TMEM150A: variants seen among roughly 807,000 people sequenced by gnomAD.
The protein encoded by TMEM150A is fasting-inducible integral membrane protein TM6P1.
TMEM150A carries 18 observed loss-of-function variants against 29.8 expected under a neutral mutation model. The observed-to-expected ratio is 0.60, with a 90% CI of 0.42 to 0.90. The LOEUF (loss-of-function observed/expected upper bound fraction) is 0.90, where lower values mean the gene tolerates loss of function less well. Ranked by LOEUF, TMEM150A falls within the 40% of genes least tolerant of loss-of-function variation. The pLI is 0.00. For missense variants in TMEM150A, 251 were observed against 349.7 expected, an observed-to-expected ratio of 0.72 and a Z score of 2.25; for synonymous variants, 127 against 143.6, an observed-to-expected ratio of 0.88 and a Z score of 0.83.
Position 85,599,451 on chromosome 2 carries a change from C to A in TMEM150A, c.574+74G>T. 6.4e-7 allele frequency: 1 copy of A among 1,566,054 alleles called. No individual in the cohort carries two copies. The highest frequency in any genetic ancestry group is 1.2e-5 in the South Asian group (1 of 82,676). ...CCCACATGGCAGTGTTAGGCCTCCA[C>A]CCCCCATCCTCTTGGGAGGGAGAAA... is the stretch of plus-strand genomic sequence containing the variant. On this transcript the variant is annotated intron_variant, in intron 7 of 7. Transcript: ENST00000334462. This position sits in a 1 kb window ranked among gnomAD's most constrained non-coding sequence, Gnocchi z 6.0.
rs569323538 is a variant in TMEM150A, at chr2:85,601,010, C to T, written c.200+11G>A. On this transcript the variant is annotated intron_variant, in intron 4 of 7. Coordinates refer to ENST00000334462, the MANE Select transcript of TMEM150A (RefSeq NM_001031738.3). The surrounding 1 kb of genome is among the most constrained non-coding windows in gnomAD (Gnocchi z 4.0). ...TAGATCTCCCTGACCGGCCCAATGT[C>T]CAGGCCTTACCTGATGAGGGGGACA... The T allele has an allele frequency of 3.7e-6, 6 of 1,611,760 alleles. No individual in the cohort carries two copies. The African/African-American group carries it at 5.3e-5, about 14-fold the overall frequency.
rs1672812850 is a variant in TMEM150A at position 85,599,601 on chromosome 2, G to A, written c.498C>T (p.Ala166=). ...CLHCALSYQG[A]TAPLDLAVAY... is the part of the protein sequence containing the mutation. Reference sequence around the variant, plus strand: ...CCACAGCCAGGTCCAGCGGGGCGGTGGCCCCTTGGTAGGAGAGAGCACAGT... The same window carrying A: ...CCACAGCCAGGTCCAGCGGGGCGGTAGCCCCTTGGTAGGAGAGAGCACAGT... The change falls in exon 7 of 8, where the codon GCC becomes GCT. Residue 166 remains alanine (A), a synonymous_variant. Coordinates refer to ENST00000334462, the MANE Select transcript of TMEM150A (RefSeq NM_001031738.3). This position sits in a 1 kb window ranked among gnomAD's most constrained non-coding sequence, Gnocchi z 6.0. 1 of 1,613,756 alleles carries A rather than the reference G, an allele frequency of 6.2e-7. No individual in the cohort carries two copies. Among genetic ancestry groups the A allele is most frequent in the African/African-American group, 1.3e-5 (1 of 74,936 alleles).
Position 85,599,869 on chromosome 2 carries a change from T to G in TMEM150A, c.396+22A>C. On this transcript the variant is annotated intron_variant, in intron 6 of 7. Coordinates refer to ENST00000334462, the MANE Select transcript of TMEM150A (RefSeq NM_001031738.3). This position sits in a 1 kb window ranked among gnomAD's most constrained non-coding sequence, Gnocchi z 6.0. ...GCCTTGTTAGGTAAAGTTTAAGGTT[T>G]GCAGGGGAGAAGGGGAAGCACCTGA... 6.2e-7 allele frequency: 1 copy of G among 1,612,932 alleles called. No homozygotes were observed.
In TMEM150A at chr2:85,601,097, CGTT is replaced by C. The variant is rs750134630; in HGVS notation, c.121_123del (p.Asn41del). The C allele has an allele frequency of 8.7e-6, 14 of 1,612,666 alleles. No individual in the cohort carries two copies. The highest frequency in any genetic ancestry group is 1.7e-4 in the Middle Eastern group (1 of 5,912). ...TCAGCAGGGTCAGGAGGGCAGGACT[CGTT>C]GTAGGACCTGGCAGGCAGGACAGGG... On this transcript the variant is annotated inframe_deletion, in exon 4 of 8. Coordinates refer to ENST00000334462, the MANE Select transcript of TMEM150A (RefSeq NM_001031738.3). This position sits in a 1 kb window ranked among gnomAD's most constrained non-coding sequence, Gnocchi z 4.0.
Position 85,601,207 on chromosome 2 carries a change from C to A in TMEM150A, c.114-100G>T. 7.5e-7 allele frequency: 1 copy of A among 1,329,666 alleles called. No individual in the cohort carries two copies. Among genetic ancestry groups the A allele is most frequent in the East Asian group, 2.4e-5 (1 of 41,912 alleles). The allele number at this position is 1,329,666 out of a possible 1,614,324, so 82.4% of individuals were successfully genotyped here. ...AAGAGGACTCTCTCCCAGACCTCCC[C>A]TACAGGGACAGAAGATCCCACTCCC... On this transcript the variant is annotated intron_variant, in intron 3 of 7. Coordinates refer to ENST00000334462, the MANE Select transcript of TMEM150A (RefSeq NM_001031738.3). The surrounding 1 kb of genome is among the most constrained non-coding windows in gnomAD (Gnocchi z 4.0).
At position 85,599,721 on chromosome 2, in the gene TMEM150A, C is replaced by G. The variant is rs1672821581; in HGVS notation, c.397-19G>C. Reference sequence around the variant, plus strand: ...GATCCACCTGGGCCCAGAGAAGGGCCAGTTGGTGATGTGGCCATGGCCCCA... The same window carrying G: ...GATCCACCTGGGCCCAGAGAAGGGCGAGTTGGTGATGTGGCCATGGCCCCA... On this transcript the variant is annotated intron_variant, in intron 6 of 7. Coordinates refer to ENST00000334462, the MANE Select transcript of TMEM150A (RefSeq NM_001031738.3). This position sits in a 1 kb window ranked among gnomAD's most constrained non-coding sequence, Gnocchi z 6.0. 2 of 1,608,382 alleles carry G rather than the reference C, an allele frequency of 1.2e-6. No individual in the cohort carries two copies. Among genetic ancestry groups the G allele is most frequent in the Non-Finnish European group, 1.7e-6 (2 of 1,177,424 alleles).
At chr2:85,600,986 A>C in intron 4 of TMEM150A, 35 bp downstream of exon 4, 1 of 1,597,320 alleles carries the variant, frequency 6.3e-7, no homozygotes, top group South Asian at 1.1e-5. Context: ...GGAGGCCCTT[A>C]GATCTCCCTG....
At position 85,599,897 on chromosome 2, in the gene TMEM150A, G is replaced by A. The variant is rs138954035; in HGVS notation, c.390C>T (p.Asn130=). 1.7e-3 allele frequency: 2,682 copies of A among 1,613,338 alleles called. 24 individuals carry two copies. Among genetic ancestry groups the A allele is most frequent in the South Asian group, 0.014 (1,285 of 91,014 alleles). ...AGGGGAGAAGGGGAAGCACCTGAAA[G>A]TTGCCAACCACCAAGAGGCCCGCAG... The part of the protein sequence containing the change: ...TNAAGLLVVG[N]FQVDHARSLH... Residue 130 remains asparagine (N), a synonymous_variant, in exon 6 of 8, where the codon AAC becomes AAT. Coordinates refer to ENST00000334462, the MANE Select transcript of TMEM150A (RefSeq NM_001031738.3). This position sits in a 1 kb window ranked among gnomAD's most constrained non-coding sequence, Gnocchi z 6.0.
Position 85,599,154 on chromosome 2 carries a change from GC to G in TMEM150A, c.737del (p.Gly246AlafsTer25). The G allele has an allele frequency of 6.2e-7, 1 of 1,613,748 alleles. No homozygotes were observed. On this transcript the variant is annotated frameshift_variant, in exon 8 of 8. Transcript: ENST00000334462. LOFTEE classifies it high-confidence loss of function. This position sits in a 1 kb window ranked among gnomAD's most constrained non-coding sequence, Gnocchi z 6.0. The stretch of plus-strand genomic sequence containing the variant: ...TGCTCCCGGAGGACTTGCAGGCCCG[GC>G]CAGGGGTAGGCTGCAGTGCAGCCAC... Reference protein sequence around the residue: ...TLVAALQPTPGRACKSSGSSS... With the variant: ...TLVAALQPTPXRACKSSGSSS...
In TMEM150A at chr2:85,601,134, G is replaced by T; in HGVS notation, c.114-27C>A. 6.2e-7 allele frequency: 1 copy of T among 1,608,278 alleles called. No individual in the cohort carries two copies. The highest frequency in any genetic ancestry group is 1.1e-5 in the South Asian group (1 of 90,750). On this transcript the variant is annotated intron_variant, in intron 3 of 7. Coordinates refer to ENST00000334462, the MANE Select transcript of TMEM150A (RefSeq NM_001031738.3). This position sits in a 1 kb window ranked among gnomAD's most constrained non-coding sequence, Gnocchi z 4.0. ...TGGCAGGCAGGACAGGGAGTAGACT[G>T]GGGGAAGGGACTGCCCCCAGGCCCT...
chr2:85,601,768 T>G lies in TMEM150A; in HGVS notation c.65+116A>C. Reference sequence around the variant, plus strand: ...AGGGGCTGTGTGCCCAGGCACCAAGTCAGGCTTTTGAGACACCCAGAGTGA... The same window carrying G: ...AGGGGCTGTGTGCCCAGGCACCAAGGCAGGCTTTTGAGACACCCAGAGTGA... On this transcript the variant is annotated intron_variant, in intron 2 of 7. Coordinates refer to ENST00000334462, the MANE Select transcript of TMEM150A (RefSeq NM_001031738.3). This position sits in a 1 kb window ranked among gnomAD's most constrained non-coding sequence, Gnocchi z 4.0. 1.6e-6 allele frequency: 2 copies of G among 1,253,072 alleles called. No individual in the cohort carries two copies. The highest frequency in any genetic ancestry group is 2.3e-5 in the East Asian group (1 of 42,772). The allele number at this position is 1,253,072 out of a possible 1,614,324, so 77.6% of individuals were successfully genotyped here. A position where few individuals can be genotyped will look rare whatever the true frequency, so the allele number is the denominator to read the frequency against.
Position 85,602,152 on chromosome 2 carries a change from T to A in TMEM150A, c.-116-88A>T. The A allele has an allele frequency of 1.8e-6, 1 of 541,536 alleles. No homozygotes were observed. Among genetic ancestry groups the A allele is most frequent in the East Asian group, 3.2e-5 (1 of 31,366 alleles). The allele number at this position is 541,536 out of a possible 1,614,324, so 33.5% of individuals were successfully genotyped here. ...GTCAACACCTTATCCAGCGCTCCCG[T>A]TGGGTCTCTGAGCGTCCAAAGTTTG... On this transcript the variant is annotated intron_variant, in intron 1 of 7. Coordinates refer to ENST00000334462, the MANE Select transcript of TMEM150A (RefSeq NM_001031738.3). The surrounding 1 kb of genome is among the most constrained non-coding windows in gnomAD (Gnocchi z 5.6).
rs190003823 is a variant in TMEM150A at position 85,599,822 on chromosome 2, G to A, written c.396+69C>T. On this transcript the variant is annotated intron_variant, in intron 6 of 7. Transcript: ENST00000334462. This position sits in a 1 kb window ranked among gnomAD's most constrained non-coding sequence, Gnocchi z 6.0. ...CCCTCTTTCCAGCCCCAACCTTGAG[G>A]TGCCACACTGCAGGCAGCCAGGCCT... 67 of 1,609,714 alleles carry A rather than the reference G, an allele frequency of 4.2e-5. No homozygotes were observed. Among genetic ancestry groups the A allele is most frequent in the Admixed American group, 5.0e-5 (3 of 59,894 alleles).
Position 85,601,943 on chromosome 2 carries a change from G to A in TMEM150A, c.6C>T (p.Thr2=), listed in dbSNP as rs1370153041. 1.2e-6 allele frequency: 2 copies of A among 1,614,072 alleles called. No homozygotes were observed. Among genetic ancestry groups the A allele is most frequent in the South Asian group, 1.1e-5 (1 of 91,078 alleles). Residue 2 remains threonine, a synonymous_variant, in exon 2 of 8, where the codon ACC becomes ACT. Coordinates refer to ENST00000334462, the MANE Select transcript of TMEM150A (RefSeq NM_001031738.3). The surrounding 1 kb of genome is among the most constrained non-coding windows in gnomAD (Gnocchi z 4.0). M[T]AWILLPVSLS... The stretch of plus-strand genomic sequence containing the variant: ...GGCTGACAGGCAGGAGGATCCAGGC[G>A]GTCATGAGGGAGGGGAGCCAGGGTG...
chr2:85,599,302 A>G lies in TMEM150A; in HGVS notation c.590T>C (p.Val197Ala). 6.2e-7 allele frequency: 1 copy of G among 1,614,064 alleles called. No individual in the cohort carries two copies. The highest frequency in any genetic ancestry group is 8.5e-7 in the Non-Finnish European group (1 of 1,179,968). Reference protein sequence around the residue: ...ITLVLSGVFFVHESSQLQHGA... With the variant: ...ITLVLSGVFFAHESSQLQHGA... ...ATGTTGCAGCTGAGAACTCTCATGG[A>G]CAAAGAAGACTCCACCTAAAACGAG... The change falls in exon 8 of 8, where the codon GTC becomes GCC. Residue 197 changes from valine to alanine, a missense_variant. Val to Ala is a moderately conservative substitution (Grantham distance 64). Transcript: ENST00000334462. This position sits in a 1 kb window ranked among gnomAD's most constrained non-coding sequence, Gnocchi z 6.0.
rs1673001871 is a variant in TMEM150A, at chr2:85,602,078, A to G, written c.-116-14T>C. The stretch of plus-strand genomic sequence containing the variant: ...AGCTGTCCTGGCCTGGTGGAGAGAG[A>G]TCAAAGTCCAGGAGTGGGTAACTGG... On this transcript the variant is annotated splice_polypyrimidine_tract_variant and intron_variant, in intron 1 of 7. Transcript: ENST00000334462. This position sits in a 1 kb window ranked among gnomAD's most constrained non-coding sequence, Gnocchi z 5.6. 4 of 811,436 alleles carry G rather than the reference A, an allele frequency of 4.9e-6. No individual in the cohort carries two copies. Among genetic ancestry groups the G allele is most frequent in the Non-Finnish European group, 8.4e-6 (4 of 475,068 alleles). 50.3% of individuals were successfully genotyped at this position (811,436 alleles called of 1,614,324 possible).
rs992715261 is a variant in TMEM150A, at chr2:85,600,004, G to A, written c.283C>T (p.Leu95Phe). Residue 95 changes from leucine to phenylalanine, a missense_variant, in exon 6 of 8, where the codon CTC becomes TTC. Physicochemically the swap from Leu to Phe is conservative, Grantham distance 22. Transcript: ENST00000334462. The part of the protein sequence containing the change: ...MGAFMVALIC[L>F]LRYGQLLEQS... ...TCCAGGAGCTGCCCGTAGCGCAGGA[G>A]GCAGATCAGGGCCACTGGGGGAGGA... 4 of 1,612,486 alleles carry A rather than the reference G, an allele frequency of 2.5e-6. No homozygotes were observed. The highest frequency in any genetic ancestry group is 1.3e-5 in the African/African-American group (1 of 74,872).
chr2:85,599,643 C>A lies in TMEM150A; in HGVS notation c.456G>T (p.Leu152=), dbSNP rs368730283. ...GAGCACAGTGCAGGCAAACAAAGAG[C>A]AGCCCCGCAGGGAAGGCCACGCCAG... ...VGAGVAFPAG[L]LFVCLHCALS... is the part of the protein sequence containing the mutation. The change falls in exon 7 of 8, where the codon CTG becomes CTT. Residue 152 remains leucine, a synonymous_variant. Transcript: ENST00000334462. The surrounding 1 kb of genome is among the most constrained non-coding windows in gnomAD (Gnocchi z 6.0). The A allele has an allele frequency of 1.6e-5, 26 of 1,613,808 alleles. No individual in the cohort carries two copies. In the African/African-American group the frequency reaches 3.1e-4, roughly 19 times the overall value.
chr2:85,598,877 G>A lies in TMEM150A; in HGVS notation c.*199C>T. 1 of 737,878 alleles carries A rather than the reference G, an allele frequency of 1.4e-6. No individual in the cohort carries two copies. The highest frequency in any genetic ancestry group is 2.1e-6 in the Non-Finnish European group (1 of 467,850). 45.7% of individuals were successfully genotyped at this position (737,878 alleles called of 1,614,324 possible). A position where few individuals can be genotyped will look rare whatever the true frequency, so the allele number is the denominator to read the frequency against. ...CAAAACGACACCGTGGGGTGGGGAAGCAGGTCATGCAGCTGTGGCAGCTGG... is the reference window on the plus strand; with the variant it reads ...CAAAACGACACCGTGGGGTGGGGAAACAGGTCATGCAGCTGTGGCAGCTGG... On this transcript the variant is annotated 3_prime_UTR_variant, in exon 8 of 8. Transcript: ENST00000334462.
Sources: allele counts gnomAD v4.1 joint callset, GRCh38; gene constraint gnomAD v4.1.1; non-coding constraint Gnocchi (gnomAD v3.1); transcripts MANE v1.5; gene names NCBI Gene and HGNC (gene_info 2026-07-23, HGNC 2026-07-21).